The following SH3PXD2B variants were observed in gnomAD, a reference collection of about 807,000 sequenced individuals.
The protein encoded by SH3PXD2B is SH3 and PX domains 2B.
Under a neutral mutation model 73.1 loss-of-function variants are expected in SH3PXD2B, and 37 were observed. That is an observed-to-expected ratio of 0.51 (90% CI 0.39 to 0.67). SH3PXD2B has a LOEUF of 0.67. Ranked by LOEUF, SH3PXD2B falls within the 30% of genes least tolerant of loss-of-function variation. SH3PXD2B has a pLI of 0.00. For missense variants in SH3PXD2B, 1,053 were observed against 1,197.8 expected, an observed-to-expected ratio of 0.88 and a Z score of 1.78; for synonymous variants, 457 against 480.5, an observed-to-expected ratio of 0.95 and a Z score of 0.64.
intron 5 of SH3PXD2B, among the ~76,000 whole-genome samples, chr5:172,379,900 G>C (rs1051542908): frequency 1.3e-5 from 2 of 152,190 alleles, no homozygotes; most frequent in African/African-American, 4.8e-5. Flanking sequence ...TGAGCCTCTT[G>C]TGTGGGACTG....
At chr5:172,380,800 G>A (rs1331102803) in intron 5 of SH3PXD2B, among the ~76,000 whole-genome samples, 2 of 152,164 alleles carry the variant, frequency 1.3e-5, no homozygotes, top group Admixed American at 6.5e-5. Flanking sequence ...ACTTCTGTGC[G>A]CTCACTATGA....
intron 5 of SH3PXD2B, among the ~76,000 whole-genome samples, chr5:172,374,963 T>C (rs141914605): frequency 7.4e-4 from 112 of 152,334 alleles, no homozygotes; most frequent in African/African-American, 2.6e-3. Context: ...AGAGGCTAAG[T>C]AATTTGCTCA....
At chr5:172,415,163 C>T (rs883989) in intron 2 of SH3PXD2B, among the ~76,000 whole-genome samples, 68,687 of 152,076 alleles carry the variant, frequency 0.45, 16,141 homozygotes, top group East Asian at 0.7. Flanking sequence ...TGTTTAACTG[C>T]GCCTTCTGTG....
intron 10 of SH3PXD2B, among the ~76,000 whole-genome samples, chr5:172,348,691 C>CT (rs1395292775): frequency 9.9e-5 from 4 of 40,420 alleles, no homozygotes; most frequent in African/African-American, 2.9e-4. Flanking sequence ...ATCTATCTAT[C>CT]TATCTATCTA....
At chr5:172,381,538 G>A (rs1189681391) in intron 5 of SH3PXD2B, among the ~76,000 whole-genome samples, 1 of 152,190 alleles carries the variant, frequency 6.6e-6, no homozygotes, top group Non-Finnish European at 1.5e-5. Flanking sequence ...CCACTGCAGG[G>A]AGAAGTGACA....
At chr5:172,374,289 T>G (rs1296872825) in intron 5 of SH3PXD2B, among the ~76,000 whole-genome samples, 1 of 152,076 alleles carries the variant, frequency 6.6e-6, no homozygotes, top group African/African-American at 2.4e-5. Flanking sequence ...ACAGTGCACC[T>G]CCCAAGTGGT....
chr5:172,411,650 G>A (rs1324525300), intron 2 of SH3PXD2B, among the ~76,000 whole-genome samples: 1 of 152,170 alleles, frequency 6.6e-6, no homozygotes, highest in Non-Finnish European at 1.5e-5. Context: ...TCCGCGGCGG[G>A]GCTGGGTAAA....
chr5:172,325,316 G>A, exon 13 of SH3PXD2B: 2 of 1,535,540 alleles, frequency 1.3e-6, no homozygotes. Context: ...CCCAAGTGCT[G>A]TCCGCATCTT....
At chr5:172,405,691 T>C (rs1338007572) in intron 3 of SH3PXD2B, among the ~76,000 whole-genome samples, 1 of 152,178 alleles carries the variant, frequency 6.6e-6, no homozygotes, top group African/African-American at 2.4e-5. Flanking sequence ...CATGAGACCT[T>C]GAGCAGAACC....
chr5:172,407,296 T>C (rs1015586558), intron 2 of SH3PXD2B, among the ~76,000 whole-genome samples: 2 of 152,240 alleles, frequency 1.3e-5, no homozygotes, highest in African/African-American at 4.8e-5. Context: ...CCAATCCATG[T>C]GAGCTGGAGA....
In SH3PXD2B at chr5:172,339,010, T is replaced by C; in HGVS notation, c.2095A>G (p.Ser699Gly). The C allele has an allele frequency of 6.2e-7, 1 of 1,614,108 alleles. No homozygotes were observed. ...VGGQDVAFSR[S>G]FLPGEGPGRA... ...CCAGGCCCCTCTCCTGGGAGGAAGC[T>C]TCGGCTGAAGGCCACGTCTTGGCCC... The change falls in exon 13 of 13, where the codon AGC (serine) becomes GGC (glycine). Residue 699 changes from serine (S) to glycine (G), a missense_variant. Ser to Gly is a moderately conservative substitution (Grantham distance 56). This residue lies in a region of SH3PXD2B where 587 missense variants were observed against 590.7 expected (regional missense o/e 0.99). Transcript: ENST00000311601. The surrounding 1 kb of genome is among the most constrained non-coding windows in gnomAD (Gnocchi z 6.1).
chr5:172,401,688 A>G (rs1346551307), intron 3 of SH3PXD2B, among the ~76,000 whole-genome samples: 1 of 152,228 alleles, frequency 6.6e-6, no homozygotes, highest in Non-Finnish European at 1.5e-5. Context: ...TTTCATGGAC[A>G]TTTATTAGTT....
intron 12 of SH3PXD2B, among the ~76,000 whole-genome samples, chr5:172,341,392 G>A (rs1756845505): frequency 6.6e-6 from 1 of 152,164 alleles, no homozygotes; most frequent in African/African-American, 2.4e-5. Context: ...CCTCATGAAT[G>A]GCTTGGTGTC....
chr5:172,432,924 AAGGGGG>A (rs1197634471), intron 1 of SH3PXD2B, among the ~76,000 whole-genome samples: 3 of 18,602 alleles, frequency 1.6e-4, no homozygotes, highest in African/African-American at 4.1e-4. Context: ...TCAAAAAAAA[AAGGGGG>A]GGGGGGGGGA....
intron 5 of SH3PXD2B, among the ~76,000 whole-genome samples, chr5:172,381,478 G>T (rs948046238): frequency 1.4e-4 from 21 of 152,358 alleles, no homozygotes; most frequent in African/African-American, 4.8e-4. Flanking sequence ...TGCACTGTGT[G>T]GCTGGGGCTG....
chr5:172,348,885 T>C (rs549621470), intron 10 of SH3PXD2B, among the ~76,000 whole-genome samples: 15 of 151,984 alleles, frequency 9.9e-5, no homozygotes, highest in African/African-American at 3.4e-4. Context: ...TAAAAAAAAT[T>C]TTTTTTTGTA....
intron 5 of SH3PXD2B, among the ~76,000 whole-genome samples, chr5:172,379,082 A>G (rs1268002971): frequency 2.0e-5 from 3 of 151,174 alleles, no homozygotes; most frequent in Non-Finnish European, 4.4e-5. Context: ...AAAAAAAAAA[A>G]AAAAAAAAAG....
chr5:172,409,906 G>A (rs1758653143), intron 2 of SH3PXD2B, among the ~76,000 whole-genome samples: 1 of 152,098 alleles, frequency 6.6e-6, no homozygotes, highest in Admixed American at 6.6e-5. Flanking sequence ...AGTACAGACG[G>A]GGTTTCACCA....
rs1251172130 is a variant in SH3PXD2B, at chr5:172,339,464, C to T, written c.1641G>A (p.Glu547=). 1 of 1,613,928 alleles carries T rather than the reference C, an allele frequency of 6.2e-7. No homozygotes were observed. Among genetic ancestry groups the T allele is most frequent in the East Asian group, 2.2e-5 (1 of 44,864 alleles). Reference sequence around the variant, plus strand: ...GCTTGGGAGTGGGGCCCCGGAGCTGCTCCGTCCTCTGCCGCTCCCGCTCCC... The same window carrying T: ...GCTTGGGAGTGGGGCCCCGGAGCTGTTCCGTCCTCTGCCGCTCCCGCTCCC... The part of the protein sequence containing the change: ...LERERERQRT[E]QLRGPTPKPP... Residue 547 remains glutamate, a synonymous_variant, in exon 13 of 13, where the codon GAG becomes GAA. Transcript: ENST00000311601. The surrounding 1 kb of genome is among the most constrained non-coding windows in gnomAD (Gnocchi z 6.1).
Sources: gnomAD v4.1 joint callset for allele counts (sites outside exome capture counted in the v4.1 genomes callset) on GRCh38, gnomAD v4.1.1 for gene constraint, gnomAD v4.1.1 regional missense constraint, Gnocchi (gnomAD v3.1) non-coding constraint, MANE v1.5 for transcripts, NCBI Gene and HGNC (gene_info 2026-07-23, HGNC 2026-07-21) for gene names.